The following FAM81B variants were observed in gnomAD, a reference collection of about 807,000 sequenced individuals.
FAM81B encodes protein FAM81B.
FAM81B carries 60 observed loss-of-function variants against 58.7 expected under a neutral mutation model. The ratio of observed to expected loss-of-function variants is 1.02; its 90% CI spans 0.83 to 1.27. FAM81B has a LOEUF of 1.27. Among genes scored for constraint, FAM81B ranks in the 50% most tolerant of loss-of-function variants. The pLI is 0.00. For synonymous variants in FAM81B, 189 were observed against 179.6 expected (o/e 1.05, Z -0.42); for missense variants, 491 against 522.0 (o/e 0.94, Z 0.58).
intron 3 of FAM81B, among the ~76,000 whole-genome samples, chr5:95,409,230 C>T (rs1009005645): frequency 6.6e-6 from 1 of 152,136 alleles, no homozygotes; most frequent in African/African-American, 2.4e-5. Context: ...TCAATCTCGG[C>T]TCACTGCAAC....
chr5:95,424,195 C>T, intron 5 of FAM81B: 1 of 1,289,758 alleles, frequency 7.8e-7, no homozygotes, highest in Non-Finnish European at 1.0e-6. Flanking sequence ...CTGCAGGTAG[C>T]AGAAACATTC....
At chr5:95,396,275 C>A in intron 3 of FAM81B, 100 bp downstream of exon 3, 1 of 892,344 alleles carries the variant, frequency 1.1e-6, no homozygotes, top group South Asian at 1.8e-5. Context: ...ATTATTCAGT[C>A]AGAGATGAAT....
chr5:95,448,721 A>G (rs1297892905), intron 9 of FAM81B: 3 of 479,112 alleles, frequency 6.3e-6, no homozygotes, highest in African/African-American at 2.1e-5. Flanking sequence ...TTTTACTAAG[A>G]TCATGGAATT....
At chr5:95,393,571 A>T (rs1761887263) in intron 2 of FAM81B, among the ~76,000 whole-genome samples, 1 of 152,188 alleles carries the variant, frequency 6.6e-6, no homozygotes, top group African/African-American at 2.4e-5. Flanking sequence ...AGCAAGTAGG[A>T]AGGGCTACAG....
intron 8 of FAM81B, among the ~76,000 whole-genome samples, chr5:95,448,067 A>C (rs1282098639): frequency 2.6e-5 from 4 of 152,144 alleles, no homozygotes; most frequent in Non-Finnish European, 5.9e-5. Flanking sequence ...TTATTCCATT[A>C]CATGTTGAAT....
chr5:95,428,552 T>C (rs1197311329), intron 5 of FAM81B, 51 bp from the exon 6 acceptor site: 6 of 1,605,502 alleles, frequency 3.7e-6, no homozygotes, highest in Non-Finnish European at 5.1e-6. Flanking sequence ...ACTATAGTGT[T>C]AAAAATGTTA....
At chr5:95,392,189 C>T (rs1421419640) in intron 1 of FAM81B, among the ~76,000 whole-genome samples, 1 of 152,166 alleles carries the variant, frequency 6.6e-6, no homozygotes, top group Admixed American at 6.5e-5. Flanking sequence ...AGGATGAGTT[C>T]ATGTCCCTTT....
intron 7 of FAM81B, among the ~76,000 whole-genome samples, chr5:95,438,067 C>T (rs1190934795): frequency 6.6e-6 from 1 of 152,142 alleles, no homozygotes; most frequent in Non-Finnish European, 1.5e-5. Context: ...CGTAGCATAT[C>T]ATCATTTTAA....
chr5:95,424,898 G>A (rs1390014054), intron 5 of FAM81B, among the ~76,000 whole-genome samples: 1 of 152,038 alleles, frequency 6.6e-6, no homozygotes, highest in Non-Finnish European at 1.5e-5. Flanking sequence ...ATAACAAAAG[G>A]AGATAGATAG....
At chr5:95,419,192 T>C (rs1477090005) in intron 4 of FAM81B, among the ~76,000 whole-genome samples, 1 of 152,194 alleles carries the variant, frequency 6.6e-6, no homozygotes, top group Non-Finnish European at 1.5e-5. Context: ...AAGGCTTCAT[T>C]TGCCCTTGGG....
intron 7 of FAM81B, among the ~76,000 whole-genome samples, chr5:95,438,139 A>C (rs993641714): frequency 6.6e-6 from 1 of 152,208 alleles, no homozygotes; most frequent in African/African-American, 2.4e-5. Flanking sequence ...AGTTGATGTA[A>C]AACAATTGTC....
rs1488373666 is a variant in FAM81B, at chr5:95,450,203, A to T, written c.1280A>T (p.Lys427Met). The T allele has an allele frequency of 6.2e-7, 1 of 1,613,374 alleles. No homozygotes were observed. The highest frequency in any genetic ancestry group is 8.5e-7 in the Non-Finnish European group (1 of 1,179,650). ...LSSLQQIQKTKMDLEKYKVQK... is the reference protein window; with the variant it reads ...LSSLQQIQKTMMDLEKYKVQK... ...TCCCTCCAACAAATACAGAAAACAA[A>T]GATGGATTTAGAGAAATATAAAGTA... Residue 427 changes from lysine to methionine, a missense_variant, in exon 10 of 10, where the codon AAG becomes ATG. Transcript: ENST00000283357.
chr5:95,427,378 T>TC, intron 5 of FAM81B, among the ~76,000 whole-genome samples: 1 of 152,308 alleles, frequency 6.6e-6, no homozygotes, highest in African/African-American at 2.4e-5. Context: ...GTGCGTACCA[T>TC]CCTGCTCCCA....
chr5:95,392,497 A>G (rs950210581), intron 1 of FAM81B, among the ~76,000 whole-genome samples: 1 of 152,218 alleles, frequency 6.6e-6, no homozygotes, highest in African/African-American at 2.4e-5. Context: ...GACTTAAAGT[A>G]TAATTTAAAA....
At position 95,391,434 on chromosome 5, in the gene FAM81B, A is replaced by G. The variant is rs945867724; in HGVS notation, c.45A>G (p.Arg15=). The G allele has an allele frequency of 3.1e-6, 5 of 1,613,732 alleles. No individual in the cohort carries two copies. The Admixed American group carries it at 6.7e-5, about 22-fold the overall frequency. ...GTACATTGGCTTCCTCAGAAAAAAG[A>G]AAAAAATCACAGAGATTGTTTTTCA... ...FLGTLASSEK[R]KKSQRLFFKN... The change falls in exon 1 of 10, where the codon AGA becomes AGG. Residue 15 remains arginine (R), a synonymous_variant. Transcript: ENST00000283357.
chr5:95,442,860 C>T (rs1404399693), intron 7 of FAM81B, among the ~76,000 whole-genome samples: 1 of 152,164 alleles, frequency 6.6e-6, no homozygotes, highest in African/African-American at 2.4e-5. Context: ...GAATCTTAGA[C>T]TCAGTCTCCA....
chr5:95,432,457 T>C lies in FAM81B; in HGVS notation c.786+3725T>C, dbSNP rs560126499. ...ACAGTTTAAAGAGTATTATAAGTATTCTTTAAGGATTTGGTAGCTTTGCTT... is the reference window on the plus strand; with the variant it reads ...ACAGTTTAAAGAGTATTATAAGTATCCTTTAAGGATTTGGTAGCTTTGCTT... On this transcript the variant is annotated intron_variant, in intron 6 of 9. Coordinates refer to ENST00000283357, the MANE Select transcript of FAM81B (RefSeq NM_152548.3). 7.2e-5 allele frequency among the ~76,000 whole-genome samples: 11 copies of C among 152,236 alleles called. No individual in the cohort carries two copies. The East Asian group carries it at 2.1e-3, about 29-fold the overall frequency.
At chr5:95,399,539 G>A (rs948599059) in intron 3 of FAM81B, among the ~76,000 whole-genome samples, 1 of 151,966 alleles carries the variant, frequency 6.6e-6, no homozygotes, top group African/African-American at 2.4e-5. Context: ...CAGTCACAGG[G>A]ATTGGGCATT....
chr5:95,444,578 AACAGC>A (rs1745484658), intron 7 of FAM81B, among the ~76,000 whole-genome samples: 1 of 152,174 alleles, frequency 6.6e-6, no homozygotes, highest in Non-Finnish European at 1.5e-5. Context: ...GCTGTTAACC[AACAGC>A]ACAGGTGATT....
Sources: allele counts gnomAD v4.1 joint callset (sites outside exome capture counted in the v4.1 genomes callset), GRCh38; gene constraint gnomAD v4.1.1; transcripts MANE v1.5; gene names NCBI Gene and HGNC (gene_info 2026-07-23, HGNC 2026-07-21).